Variants in ADAM12 observed in about 807,000 individuals in gnomAD.
ADAM12 encodes the protein ADAM metallopeptidase domain 12, also known as disintegrin and metalloproteinase domain-containing protein 12.
In ADAM12, 70 loss-of-function variants were observed where a neutral mutation model predicts 106.4. That is an observed-to-expected ratio of 0.66 (90% CI 0.54 to 0.80). The LOEUF (loss-of-function observed/expected upper bound fraction) is 0.80. Ranked by LOEUF, ADAM12 falls within the 30% of genes least tolerant of loss-of-function variation. The pLI, the probability that ADAM12 is intolerant of heterozygous loss-of-function variation, is 0.00. For missense variants in ADAM12, 1,010 were observed against 1,171.9 expected (o/e 0.86, Z 2.02); for synonymous variants, 420 against 433.5 (o/e 0.97, Z 0.39).
At chr10:126,217,802 C>T (rs1958014904) in intron 3 of ADAM12, among the ~76,000 whole-genome samples, 1 of 151,528 alleles carries the variant, frequency 6.6e-6, no homozygotes, top group Admixed American at 6.6e-5. Flanking sequence ...AGCGAAACCT[C>T]ATCTCTACTA....
chr10:126,250,442 T>A (rs1958722551), intron 3 of ADAM12, among the ~76,000 whole-genome samples: 1 of 152,192 alleles, frequency 6.6e-6, no homozygotes, highest in Non-Finnish European at 1.5e-5. Flanking sequence ...AATGAACATT[T>A]TTAGGCAGGG....
At chr10:126,325,040 G>A (rs933280694) in intron 2 of ADAM12, among the ~76,000 whole-genome samples, 23 of 152,026 alleles carry the variant, frequency 1.5e-4, no homozygotes, top group South Asian at 2.1e-4. Context: ...CATCACCAGC[G>A]GGACCCTTCA....
chr10:126,220,590 A>G (rs1958072207), intron 3 of ADAM12, among the ~76,000 whole-genome samples: 1 of 152,176 alleles, frequency 6.6e-6, no homozygotes, highest in African/African-American at 2.4e-5. Flanking sequence ...TATAAAAATG[A>G]TTTTTTAATC....
chr10:126,317,391 G>T (rs977171759), intron 2 of ADAM12, among the ~76,000 whole-genome samples: 2 of 152,154 alleles, frequency 1.3e-5, no homozygotes, highest in East Asian at 3.9e-4. Context: ...AAATTAGTAG[G>T]TTCAAGCAAA....
chr10:126,327,523 G>T (rs567584505), intron 2 of ADAM12, among the ~76,000 whole-genome samples: 1 of 152,152 alleles, frequency 6.6e-6, no homozygotes, highest in African/African-American at 2.4e-5. Context: ...TGGGGAGATC[G>T]AGACAGGAGG....
intron 1 of ADAM12, among the ~76,000 whole-genome samples, chr10:126,332,609 C>G (rs986064323): frequency 1.3e-5 from 2 of 152,152 alleles, no homozygotes; most frequent in Non-Finnish European, 2.9e-5. Context: ...GAAAGCCCCC[C>G]TTTTTTGTTG....
intron 3 of ADAM12, among the ~76,000 whole-genome samples, chr10:126,172,910 T>C (rs1050978190): frequency 6.6e-6 from 1 of 152,204 alleles, no homozygotes; most frequent in Non-Finnish European, 1.5e-5. Flanking sequence ...ATATACACCA[T>C]GGAATACTAT....
chr10:126,251,394 G>A (rs928241830), intron 3 of ADAM12, among the ~76,000 whole-genome samples: 1 of 146,498 alleles, frequency 6.8e-6, no homozygotes, highest in Non-Finnish European at 1.5e-5. Context: ...TAAAGAACTT[G>A]CCCAAGGTCA....
chr10:126,065,127 AG>A, intron 13 of ADAM12, 126 bp from the exon 14 acceptor site: 3 of 992,302 alleles, frequency 3.0e-6, no homozygotes, highest in Non-Finnish European at 4.3e-6. Flanking sequence ...TTTCAAAGGA[AG>A]TTGCTTCTAA....
In ADAM12 at chr10:126,261,991, C is replaced by G. The variant is rs149268348; in HGVS notation, c.260+16924G>C. Among the ~76,000 whole-genome samples, 128 of 152,118 alleles carry G rather than the reference C, an allele frequency of 8.4e-4. No individual in the cohort carries two copies. The East Asian group carries it at 0.017, about 20-fold the overall frequency. ...AGGAATTCTACTTCTAAATCAAAACCTATAGATTATTTTTAGGGCATAAGC... is the reference window on the plus strand; with the variant it reads ...AGGAATTCTACTTCTAAATCAAAACGTATAGATTATTTTTAGGGCATAAGC... On this transcript the variant is annotated intron_variant, in intron 3 of 22. Transcript: ENST00000448723.
intron 4 of ADAM12, among the ~76,000 whole-genome samples, chr10:126,144,153 C>T (rs984612759): frequency 2.6e-5 from 4 of 152,024 alleles, no homozygotes; most frequent in Non-Finnish European, 5.9e-5. Flanking sequence ...CAAACGCTTA[C>T]AAAATCATGT....
At chr10:126,159,113 T>C (rs1956885943) in intron 3 of ADAM12, among the ~76,000 whole-genome samples, 1 of 151,848 alleles carries the variant, frequency 6.6e-6, no homozygotes, top group Non-Finnish European at 1.5e-5. Context: ...ATCGAGACCA[T>C]TCTGGCTAAT....
intron 3 of ADAM12, among the ~76,000 whole-genome samples, chr10:126,274,369 G>A (rs1455696657): frequency 1.3e-5 from 2 of 152,150 alleles, no homozygotes; most frequent in African/African-American, 2.4e-5. Flanking sequence ...ACACGCTCAG[G>A]TGGCAGTCAC....
chr10:126,132,366 T>C (rs1390520106), intron 5 of ADAM12, among the ~76,000 whole-genome samples: 1 of 151,916 alleles, frequency 6.6e-6, no homozygotes, highest in African/African-American at 2.4e-5. Flanking sequence ...AAGAAAGAGG[T>C]CCACCTTTCA....
chr10:126,127,028 T>G (rs1242313176), intron 5 of ADAM12, among the ~76,000 whole-genome samples: 1 of 152,224 alleles, frequency 6.6e-6, no homozygotes, highest in Non-Finnish European at 1.5e-5. Flanking sequence ...AAAACCACCG[T>G]GGCTGGTGGC....
intron 2 of ADAM12, among the ~76,000 whole-genome samples, chr10:126,279,689 T>G (rs1052307657): frequency 6.6e-6 from 1 of 150,908 alleles, no homozygotes; most frequent in Non-Finnish European, 1.5e-5. Flanking sequence ...ATTGCACCAT[T>G]GCACTCCAGC....
intron 1 of ADAM12, among the ~76,000 whole-genome samples, chr10:126,382,291 C>T (rs1407001677): frequency 1.3e-5 from 2 of 152,196 alleles, no homozygotes; most frequent in African/African-American, 4.8e-5. Flanking sequence ...TGTTGCCTGT[C>T]CTACTCCGAC....
chr10:126,366,753 A>G (rs1855925714), intron 1 of ADAM12, among the ~76,000 whole-genome samples: 1 of 152,158 alleles, frequency 6.6e-6, no homozygotes. Context: ...ATATGCAAAC[A>G]CTAAGCATAG....
At chr10:126,235,089 G>A (rs1026823252) in intron 3 of ADAM12, among the ~76,000 whole-genome samples, 3 of 152,172 alleles carry the variant, frequency 2.0e-5, no homozygotes, top group Non-Finnish European at 2.9e-5. Context: ...TCGTCTCCAC[G>A]TGGCACACAA....
Sources: allele counts gnomAD v4.1 joint callset (sites outside exome capture counted in the v4.1 genomes callset), GRCh38; gene constraint gnomAD v4.1.1; transcripts MANE v1.5; gene names NCBI Gene and HGNC (gene_info 2026-07-23, HGNC 2026-07-21).